Variants in SV2B observed in about 807,000 individuals in gnomAD.
SV2B encodes solute carrier family 22 member B2.
In SV2B, 41 loss-of-function variants were observed where a neutral mutation model predicts 73.9. The observed-to-expected ratio is 0.56, with a 90% CI of 0.43 to 0.72. The LOEUF is 0.72. Among genes scored for constraint, SV2B ranks in the 30% least tolerant of loss-of-function variants. The probability of loss-of-function intolerance (pLI) is 0.00; values close to 1 mark genes in which losing one functional copy is unlikely to be tolerated. For missense variants in SV2B, 764 were observed against 857.8 expected (o/e 0.89, Z 1.37); for synonymous variants, 314 against 314.2 (o/e 1.00, Z 0.01).
intron 1 of SV2B, among the ~76,000 whole-genome samples, chr15:91,194,782 A>G (rs2045183675): frequency 6.6e-6 from 1 of 152,152 alleles, no homozygotes; most frequent in Non-Finnish European, 1.5e-5. Context: ...GTACTACTTG[A>G]TGTCCCCCTC....
chr15:91,248,064 G>T (rs898004381), intron 2 of SV2B, among the ~76,000 whole-genome samples: 5 of 152,184 alleles, frequency 3.3e-5, no homozygotes, highest in Non-Finnish European at 7.3e-5. Context: ...TGTCACGCCT[G>T]TAATCCCAGC....
chr15:91,186,981 T>C (rs2141336527), intron 1 of SV2B, among the ~76,000 whole-genome samples: 1 of 152,370 alleles, frequency 6.6e-6, no homozygotes, highest in African/African-American at 2.4e-5. Context: ...AGCCTGTTTA[T>C]CTTTTAAAAG....
At chr15:91,205,827 A>T (rs752935966) in intron 1 of SV2B, among the ~76,000 whole-genome samples, 1 of 152,222 alleles carries the variant, frequency 6.6e-6, no homozygotes, top group Non-Finnish European at 1.5e-5. Flanking sequence ...TGAATAAAGA[A>T]TAGAGAGTTC....
At chr15:91,211,696 G>C (rs1004625410) in intron 1 of SV2B, among the ~76,000 whole-genome samples, 38 of 150,262 alleles carry the variant, frequency 2.5e-4, no homozygotes, top group African/African-American at 8.3e-4. Context: ...TAGAGACAGG[G>C]TTTCACCATA....
chr15:91,129,688 G>T lies in SV2B; in HGVS notation c.-392+29325G>T, dbSNP rs147008366. 1.3e-5 allele frequency among the ~76,000 whole-genome samples: 2 copies of T among 152,186 alleles called. No individual in the cohort carries two copies. The highest frequency in any genetic ancestry group is 2.9e-5 in the Non-Finnish European group (2 of 68,034). On this transcript the variant is annotated intron_variant, in intron 1 of 12. Transcript: ENST00000394232. This position sits in a 1 kb window ranked among gnomAD's most constrained non-coding sequence, Gnocchi z 5.1. Reference sequence around the variant, plus strand: ...AGCCAGCGGAGGCTTCTTTGGAGGCGATCTGTTTGATGTGATACGGTCTGT... The same window carrying T: ...AGCCAGCGGAGGCTTCTTTGGAGGCTATCTGTTTGATGTGATACGGTCTGT...
chr15:91,228,988 A>G (rs920487696), intron 2 of SV2B, among the ~76,000 whole-genome samples: 1 of 152,246 alleles, frequency 6.6e-6, no homozygotes, highest in Non-Finnish European at 1.5e-5. Flanking sequence ...CTAAGGTCAC[A>G]TAGCTCGTAA....
Position 91,226,127 on chromosome 15 carries a change from T to G in SV2B, c.-137T>G. ...TAAAGGGGGGGGGAACCAGTGTGAC[T>G]TTCACCTAAGAAGTCACATGAACAT... On this transcript the variant is annotated 5_prime_UTR_variant, in exon 2 of 13. Coordinates refer to ENST00000394232, the MANE Select transcript of SV2B (RefSeq NM_001323032.3). The G allele has an allele frequency of 1.2e-6, 1 of 845,222 alleles. No individual in the cohort carries two copies. The allele number at this position is 845,222 out of a possible 1,614,324, so 52.4% of individuals were successfully genotyped here. A position where few individuals can be genotyped will look rare whatever the true frequency, so the allele number is the denominator to read the frequency against.
Position 91,233,795 on chromosome 15 carries a change from C to T in SV2B, c.451+7081C>T, listed in dbSNP as rs144104785. 4.5e-3 allele frequency among the ~76,000 whole-genome samples: 680 copies of T among 152,262 alleles called. 4 individuals are homozygous for T. Among genetic ancestry groups the T allele is most frequent in the African/African-American group, 0.016 (649 of 41,554 alleles). ...CTTGCTGATTCTCATCAGGACCCAA[C>T]CCCTCCACCCCTCTTTGCTTCTAGA... On this transcript the variant is annotated intron_variant, in intron 2 of 12. Coordinates refer to ENST00000394232, the MANE Select transcript of SV2B (RefSeq NM_001323032.3).
chr15:91,212,978 TAA>T lies in SV2B; in HGVS notation c.-391-12879_-391-12878del, dbSNP rs34863204. 8.9e-3 allele frequency among the ~76,000 whole-genome samples: 1,127 copies of T among 127,038 alleles called. 12 individuals are homozygous for T. The highest frequency in any genetic ancestry group is 0.03 in the African/African-American group (1,049 of 34,460). 83.3% of individuals were successfully genotyped at this position (127,038 alleles called of 152,430 possible). On this transcript the variant is annotated intron_variant, in intron 1 of 12. Coordinates refer to ENST00000394232, the MANE Select transcript of SV2B (RefSeq NM_001323032.3). ...CAACATGGTGAAACCCTGTCTCTAC[TAA>T]AAAAAAAAAAAAAAATACGAAAATT...
chr15:91,252,230 G>C lies in SV2B; in HGVS notation c.633-139G>C. 8.1e-7 allele frequency: 1 copy of C among 1,239,862 alleles called. No individual in the cohort carries two copies. The allele number at this position is 1,239,862 out of a possible 1,614,324, so 76.8% of individuals were successfully genotyped here. A position where few individuals can be genotyped will look rare whatever the true frequency, so the allele number is the denominator to read the frequency against. On this transcript the variant is annotated intron_variant, in intron 3 of 12. Transcript: ENST00000394232. The surrounding 1 kb of genome is among the most constrained non-coding windows in gnomAD (Gnocchi z 4.6). ...AAGACTGCTTCCCACATGTAGAGAG[G>C]AACTAACTGGCCGGTCTCTCAAATT...
intron 1 of SV2B, among the ~76,000 whole-genome samples, chr15:91,153,252 A>T (rs59990431): frequency 6.6e-5 from 10 of 152,174 alleles, no homozygotes; most frequent in Admixed American, 2.0e-4. Flanking sequence ...GTTCCAACGT[A>T]TGACTTTTGG....
At chr15:91,221,889 A>C (rs1192334868) in intron 1 of SV2B, among the ~76,000 whole-genome samples, 2 of 152,070 alleles carry the variant, frequency 1.3e-5, no homozygotes, top group Non-Finnish European at 2.9e-5. Flanking sequence ...TCTCAAAGAA[A>C]ATTTCAAACC....
In SV2B at chr15:91,268,574, A is replaced by G. The variant is rs749878408; in HGVS notation, c.1342A>G (p.Ile448Val). Residue 448 changes from isoleucine (I) to valine (V), a missense_variant, in exon 9 of 13, where the codon ATC becomes GTC. Transcript: ENST00000394232. The surrounding 1 kb of genome is among the most constrained non-coding windows in gnomAD (Gnocchi z 4.4). ...ATINFTMENQ[I>V]HQHGKLVNDK... ...AATCAACTTCACGATGGAAAATCAG[A>G]TCCACCAACATGGGAAACTTGTGAA... 108 of 1,613,546 alleles carry G rather than the reference A, an allele frequency of 6.7e-5. 2 individuals are homozygous for G. The South Asian group carries it at 1.1e-3, about 17-fold the overall frequency.
At chr15:91,112,931 C>A (rs1221068239) in intron 1 of SV2B, among the ~76,000 whole-genome samples, 1 of 152,174 alleles carries the variant, frequency 6.6e-6, no homozygotes, top group East Asian at 1.9e-4. Flanking sequence ...ACCCTCCCAC[C>A]CCAGCCTCCT....
intron 1 of SV2B, among the ~76,000 whole-genome samples, chr15:91,182,365 G>T (rs2013065): frequency 7.9e-5 from 12 of 151,986 alleles, no homozygotes; most frequent in Non-Finnish European, 1.5e-4. Flanking sequence ...GCAAGTTCTC[G>T]ATTAGCATTT....
At position 91,226,133 on chromosome 15, in the gene SV2B, C is replaced by A. The variant is rs942697748; in HGVS notation, c.-131C>A. 9 of 882,844 alleles carry A rather than the reference C, an allele frequency of 1.0e-5. No homozygotes were observed. The highest frequency in any genetic ancestry group is 1.5e-5 in the Non-Finnish European group (9 of 583,312). 54.7% of individuals were successfully genotyped at this position (882,844 alleles called of 1,614,324 possible). ...GGGGGGGAACCAGTGTGACTTTCAC[C>A]TAAGAAGTCACATGAACATATTTCA... On this transcript the variant is annotated 5_prime_UTR_variant, in exon 2 of 13. Coordinates refer to ENST00000394232, the MANE Select transcript of SV2B (RefSeq NM_001323032.3).
At chr15:91,278,505 G>A (rs574423211) in intron 9 of SV2B, among the ~76,000 whole-genome samples, 28 of 151,462 alleles carry the variant, frequency 1.8e-4, no homozygotes, top group African/African-American at 6.1e-4. Flanking sequence ...GTGAAACCCC[G>A]TCTCTACTAA....
At chr15:91,149,254 C>T (rs2043236810) in intron 1 of SV2B, among the ~76,000 whole-genome samples, 1 of 152,180 alleles carries the variant, frequency 6.6e-6, no homozygotes, top group South Asian at 2.1e-4. Context: ...CAGGTGCTGG[C>T]CATCGGAAGT....
At chr15:91,205,686 A>G (rs1222386773) in intron 1 of SV2B, among the ~76,000 whole-genome samples, 2 of 152,180 alleles carry the variant, frequency 1.3e-5, no homozygotes, top group African/African-American at 2.4e-5. Context: ...ACATTTTCAT[A>G]CAAAGTCTAA....
Sources: allele counts gnomAD v4.1 joint callset (sites outside exome capture counted in the v4.1 genomes callset), GRCh38; gene constraint gnomAD v4.1.1; non-coding constraint Gnocchi (gnomAD v3.1); transcripts MANE v1.5; gene names NCBI Gene and HGNC (gene_info 2026-07-23, HGNC 2026-07-21).